XPO1: variants seen among roughly 807,000 people sequenced by gnomAD.
XPO1 encodes exportin-1.
A neutral mutation model predicts 133.3 loss-of-function variants in XPO1; 5 were observed. That is an observed-to-expected ratio of 0.04 (90% CI 0.02 to 0.08). XPO1 has a LOEUF of 0.08. Ranked by LOEUF, XPO1 falls within the 10% of genes least tolerant of loss-of-function variation. The probability of loss-of-function intolerance (pLI) is 1.00; values close to 1 mark genes in which losing one functional copy is unlikely to be tolerated. For synonymous variants in XPO1, 419 were observed against 408.2 expected (o/e 1.03, Z -0.32); for missense variants, 506 against 1,267.5 (o/e 0.40, Z 9.12).
Position 61,492,864 on chromosome 2 carries a change from A to C in XPO1, c.1384+51T>G. ...AGTACATTTCCTAAAATGTATTTCC[A>C]CCCCAGAATAGATTTATAAAGGTAA... On this transcript the variant is annotated intron_variant, in intron 13 of 24. Coordinates refer to ENST00000401558, the MANE Select transcript of XPO1 (RefSeq NM_003400.4). The surrounding 1 kb of genome is among the most constrained non-coding windows in gnomAD (Gnocchi z 5.6). 6.4e-7 allele frequency: 1 copy of C among 1,562,204 alleles called. No individual in the cohort carries two copies. Among genetic ancestry groups the C allele is most frequent in the Non-Finnish European group, 8.7e-7 (1 of 1,155,688 alleles).
intron 4 of XPO1, 99 bp from the exon 5 acceptor site, chr2:61,502,409 G>A: frequency 8.6e-7 from 1 of 1,169,128 alleles, no homozygotes; most frequent in Non-Finnish European, 1.2e-6. Context: ...GAAAGACTAA[G>A]TAAAATCAGT....
intron 2 of XPO1, among the ~76,000 whole-genome samples, chr2:61,528,438 T>C (rs1175643410): frequency 6.6e-6 from 1 of 151,804 alleles, no homozygotes; most frequent in Admixed American, 6.6e-5. Flanking sequence ...TTCAAGACCA[T>C]CCTGACCAAT....
intron 18 of XPO1, 21 bp from the exon 19 acceptor site, chr2:61,488,292 G>A (rs567545823): frequency 5.1e-5 from 81 of 1,603,604 alleles, no homozygotes; most frequent in Non-Finnish European, 6.6e-5. Context: ...GAATCAAATG[G>A]AATCTAATTT....
At chr2:61,479,972 C>T (rs1457551688) in intron 24 of XPO1, among the ~76,000 whole-genome samples, 1 of 152,186 alleles carries the variant, frequency 6.6e-6, no homozygotes, top group African/African-American at 2.4e-5. Context: ...TCAAGTGATT[C>T]TCCTGCCTCT....
chr2:61,532,193 C>T (rs1219773659), intron 2 of XPO1, among the ~76,000 whole-genome samples: 1 of 151,896 alleles, frequency 6.6e-6, no homozygotes, highest in African/African-American at 2.4e-5. Context: ...AGTGGCGCAA[C>T]CTCGGCTCAC....
intron 17 of XPO1, among the ~76,000 whole-genome samples, chr2:61,489,633 C>A (rs1304758819): frequency 6.6e-6 from 1 of 151,266 alleles, no homozygotes; most frequent in Non-Finnish European, 1.5e-5. Context: ...CGGCTCACTG[C>A]AAGCTCTGCC....
intron 7 of XPO1, 38 bp downstream of exon 7, chr2:61,499,674 GA>G: frequency 6.6e-7 from 1 of 1,519,778 alleles, no homozygotes; most frequent in Non-Finnish European, 8.8e-7. Context: ...AATTGTTTGA[GA>G]AATCACTTTA....
At chr2:61,490,465 C>G (rs1304124710) in intron 17 of XPO1, among the ~76,000 whole-genome samples, 177 bp downstream of exon 17, 1 of 152,128 alleles carries the variant, frequency 6.6e-6, no homozygotes, top group African/African-American at 2.4e-5. Context: ...TTCCAATGTG[C>G]CAGGATTACA....
At chr2:61,496,570 C>A (rs904868368) in intron 10 of XPO1, among the ~76,000 whole-genome samples, 11 of 152,102 alleles carry the variant, frequency 7.2e-5, no homozygotes, top group African/African-American at 2.7e-4. Flanking sequence ...CAAACTAGGG[C>A]TGAAAAGAAT....
intron 24 of XPO1, among the ~76,000 whole-genome samples, chr2:61,479,180 C>T (rs953118265): frequency 2.0e-5 from 3 of 152,258 alleles, no homozygotes; most frequent in Admixed American, 2.0e-4. Flanking sequence ...ACAAAAGAAT[C>T]ATGGGCCCCG....
chr2:61,492,317 A>T lies in XPO1; in HGVS notation c.1723+8T>A, dbSNP rs1373985498. 6.3e-7 allele frequency: 1 copy of T among 1,583,164 alleles called. No homozygotes were observed. The highest frequency in any genetic ancestry group is 8.5e-7 in the Non-Finnish European group (1 of 1,171,966). ...TAAAAGCAAAATATAGTAAAGAAAG[A>T]GATTTACCATGCATGAATTCGAACA... is the stretch of plus-strand genomic sequence containing the variant. On this transcript the variant is annotated splice_region_variant and intron_variant, in intron 15 of 24. Coordinates refer to ENST00000401558, the MANE Select transcript of XPO1 (RefSeq NM_003400.4). This position sits in a 1 kb window ranked among gnomAD's most constrained non-coding sequence, Gnocchi z 5.6.
intron 2 of XPO1, among the ~76,000 whole-genome samples, chr2:61,527,149 A>C (rs1698939791): frequency 6.6e-6 from 1 of 152,082 alleles, no homozygotes; most frequent in African/African-American, 2.4e-5. Context: ...AGTTCTCAGC[A>C]CTTAAATCAA....
chr2:61,491,485 CA>C (rs2104420390), intron 16 of XPO1, among the ~76,000 whole-genome samples: 2 of 151,512 alleles, frequency 1.3e-5, no homozygotes, highest in South Asian at 2.1e-4. Flanking sequence ...CACACACACA[CA>C]CACACACACA....
At chr2:61,513,586 A>G (rs1007157570) in intron 4 of XPO1, among the ~76,000 whole-genome samples, 2 of 150,934 alleles carry the variant, frequency 1.3e-5, no homozygotes, top group African/African-American at 2.4e-5. Context: ...CGGCCTCCCA[A>G]ATTGCTGGAA....
intron 2 of XPO1, among the ~76,000 whole-genome samples, chr2:61,528,537 G>A (rs1699007880): frequency 6.6e-6 from 1 of 151,454 alleles, no homozygotes; most frequent in African/African-American, 2.4e-5. Context: ...GGAGGCTGAG[G>A]CAGGAGAATC....
At chr2:61,536,137 TAGA>T (rs1385902968) in intron 1 of XPO1, 1 of 152,222 alleles carries the variant, frequency 6.6e-6, no homozygotes, top group Non-Finnish European at 1.5e-5. Flanking sequence ...AGATTTAGAA[TAGA>T]AGGATTTAAA....
chr2:61,529,182 A>G (rs1254368748), intron 2 of XPO1, among the ~76,000 whole-genome samples: 1 of 152,162 alleles, frequency 6.6e-6, no homozygotes, highest in African/African-American at 2.4e-5. Flanking sequence ...GCAAGAAAAA[A>G]GTTTGATGAC....
chr2:61,510,854 T>C (rs559170265), intron 4 of XPO1, among the ~76,000 whole-genome samples: 39 of 150,636 alleles, frequency 2.6e-4, no homozygotes, highest in Non-Finnish European at 5.2e-4. Flanking sequence ...GGAGGATTGC[T>C]AGAGCCCCGG....
intron 24 of XPO1, among the ~76,000 whole-genome samples, 183 bp downstream of exon 24, chr2:61,481,002 T>G (rs1051461287): frequency 6.6e-6 from 1 of 152,222 alleles, no homozygotes. Context: ...CTATCCTTAT[T>G]GGACTTTAGT....
Sources: gnomAD v4.1 joint callset for allele counts (sites outside exome capture counted in the v4.1 genomes callset) on GRCh38, gnomAD v4.1.1 for gene constraint, Gnocchi (gnomAD v3.1) non-coding constraint, MANE v1.5 for transcripts, NCBI Gene and HGNC (gene_info 2026-07-23, HGNC 2026-07-21) for gene names.